TRAF3IP2: variants seen among roughly 807,000 people sequenced by gnomAD.
The protein encoded by TRAF3IP2 is TRAF3 interacting protein 2.
Under a neutral mutation model 57.9 loss-of-function variants are expected in TRAF3IP2, and 35 were observed. The observed-to-expected ratio is 0.60, with a 90% confidence interval of 0.46 to 0.80. The LOEUF (loss-of-function observed/expected upper bound fraction) is 0.80. Ranked by LOEUF, TRAF3IP2 falls within the 30% of genes least tolerant of loss-of-function variation. TRAF3IP2 has a pLI of 0.00. For missense variants in TRAF3IP2, 556 were observed against 706.4 expected, an observed-to-expected ratio of 0.79 and a Z score of 2.41; for synonymous variants, 251 against 268.9, an observed-to-expected ratio of 0.93 and a Z score of 0.65.
chr6:111,577,441 C>T (rs931526673), intron 3 of TRAF3IP2, among the ~76,000 whole-genome samples: 3 of 152,246 alleles, frequency 2.0e-5, no homozygotes, highest in Non-Finnish European at 4.4e-5. Flanking sequence ...CTTGCTCTGT[C>T]ACCCAGGCTC....
At position 111,556,188 on chromosome 6, in the gene TRAF3IP2, A is replaced by C. The variant is rs1164404217; in HGVS notation, c.*3217T>G. Among the ~76,000 whole-genome samples the C allele has an allele frequency of 6.6e-6, 1 of 151,616 alleles. No homozygotes were observed. The highest frequency in any genetic ancestry group is 2.4e-5 in the African/African-American group (1 of 41,236). Reference sequence around the variant, plus strand: ...GGGGCCAAGCTTTTGTCACTTGGCCAAGTGCGTGTGTGTGTGTATGTGTGC... The same window carrying C: ...GGGGCCAAGCTTTTGTCACTTGGCCCAGTGCGTGTGTGTGTGTATGTGTGC... On this transcript the variant is annotated 3_prime_UTR_variant, in exon 9 of 9. Transcript: ENST00000368761.
chr6:111,595,827 CA>C (rs569836365), intron 1 of TRAF3IP2, among the ~76,000 whole-genome samples: 30,661 of 92,696 alleles, frequency 0.33, 2,953 homozygotes, highest in Middle Eastern at 0.47. Context: ...GACTCTGTCT[CA>C]AAAAAAAAAA....
At chr6:111,603,473 G>A (rs1352933349) in intron 1 of TRAF3IP2, among the ~76,000 whole-genome samples, 1 of 152,150 alleles carries the variant, frequency 6.6e-6, no homozygotes, top group Non-Finnish European at 1.5e-5. Context: ...GCAGTTGCCT[G>A]CAATTCATAT....
At chr6:111,566,680 C>G in intron 6 of TRAF3IP2, 120 bp from the exon 7 acceptor site, 1 of 875,740 alleles carries the variant, frequency 1.1e-6, no homozygotes. Flanking sequence ...GCACTGGCCC[C>G]CACTCAGGCA....
rs556594901 is a variant in TRAF3IP2 at position 111,593,469 on chromosome 6, A to T, written c.-8-1375T>A. The stretch of plus-strand genomic sequence containing the variant: ...TTTGAAATGCTCCCCTTTCACACAG[A>T]TGGGGCCAGCAGTTTTCCACCAAAT... On this transcript the variant is annotated intron_variant, in intron 1 of 8. Coordinates refer to ENST00000368761, the MANE Select transcript of TRAF3IP2 (RefSeq NM_147686.4). Among the ~76,000 whole-genome samples the T allele has an allele frequency of 5.3e-5, 8 of 152,302 alleles. No individual in the cohort carries two copies. In the South Asian group the frequency reaches 6.2e-4, roughly 12 times the overall value.
At chr6:111,570,690 G>A (rs1303340351) in intron 5 of TRAF3IP2, among the ~76,000 whole-genome samples, 1 of 152,112 alleles carries the variant, frequency 6.6e-6, no homozygotes, top group Non-Finnish European at 1.5e-5. Flanking sequence ...CTTTGGAAAT[G>A]ACAAAAAGTA....
chr6:111,597,695 C>A, intron 1 of TRAF3IP2: 1 of 364,024 alleles, frequency 2.7e-6, no homozygotes, highest in Non-Finnish European at 5.4e-6. Flanking sequence ...GAGCATGTAC[C>A]CTGGGTAAGC....
rs1562414535 is a variant in TRAF3IP2, at chr6:111,558,030, A to G, written c.*1375T>C. On this transcript the variant is annotated 3_prime_UTR_variant, in exon 9 of 9. Coordinates refer to ENST00000368761, the MANE Select transcript of TRAF3IP2 (RefSeq NM_147686.4). The stretch of plus-strand genomic sequence containing the variant: ...GCGAGACTCTGTCTCAAACAAAAAA[A>G]AAGAAGAAGAAAATGTCTCTGTTAA... The G allele has an allele frequency of 6.6e-6, 1 of 152,258 alleles. No homozygotes were observed. Among genetic ancestry groups the G allele is most frequent in the East Asian group, 1.9e-4 (1 of 5,138 alleles). 9.4% of individuals were successfully genotyped at this position (152,258 alleles called of 1,614,324 possible). A position where few individuals can be genotyped will look rare whatever the true frequency, so the allele number is the denominator to read the frequency against.
At chr6:111,597,308 G>C (rs543183629) in intron 1 of TRAF3IP2, among the ~76,000 whole-genome samples, 4 of 152,210 alleles carry the variant, frequency 2.6e-5, no homozygotes, top group Non-Finnish European at 4.4e-5. Flanking sequence ...CCATCAGCCA[G>C]TGTAATGGGA....
Position 111,556,661 on chromosome 6 carries a change from T to C in TRAF3IP2, c.*2744A>G, listed in dbSNP as rs550405504. 2.3e-4 allele frequency: 35 copies of C among 152,148 alleles called. No homozygotes were observed. The highest frequency in any genetic ancestry group is 7.7e-4 in the African/African-American group (32 of 41,470). 9.4% of individuals were successfully genotyped at this position (152,148 alleles called of 1,614,324 possible). On this transcript the variant is annotated 3_prime_UTR_variant, in exon 9 of 9. Transcript: ENST00000368761. Reference sequence around the variant, plus strand: ...AGAAAGTCTTACAAATGAGTACTTATGTTATGCTAGTTTTTCTTCTCTTTT... The same window carrying C: ...AGAAAGTCTTACAAATGAGTACTTACGTTATGCTAGTTTTTCTTCTCTTTT...
At chr6:111,572,852 C>G (rs751845695) in intron 5 of TRAF3IP2, 43 bp downstream of exon 5, 9 of 1,407,614 alleles carry the variant, frequency 6.4e-6, no homozygotes, top group Non-Finnish European at 9.1e-6. Flanking sequence ...CTCCATTGTA[C>G]TCACTATAAC....
Position 111,591,736 on chromosome 6 carries a change from C to A in TRAF3IP2, c.351G>T (p.Ala117=). The A allele has an allele frequency of 6.2e-7, 1 of 1,614,212 alleles. No homozygotes were observed. The highest frequency in any genetic ancestry group is 8.5e-7 in the Non-Finnish European group (1 of 1,180,040). ...PSGCSAVSEP[A]SESVVGALPA... ...GGAGGGCTCCAACCACAGACTCAGACGCAGGCTCGCTGACTGCAGAGCACC... is the reference window on the plus strand; with the variant it reads ...GGAGGGCTCCAACCACAGACTCAGAAGCAGGCTCGCTGACTGCAGAGCACC... Residue 117 remains alanine, a synonymous_variant, in exon 2 of 9, where the codon GCG becomes GCT. Coordinates refer to ENST00000368761, the MANE Select transcript of TRAF3IP2 (RefSeq NM_147686.4). This position sits in a 1 kb window ranked among gnomAD's most constrained non-coding sequence, Gnocchi z 4.9.
At position 111,591,390 on chromosome 6, in the gene TRAF3IP2, A is replaced by G; in HGVS notation, c.697T>C (p.Ser233Pro). 1.3e-6 allele frequency: 2 copies of G among 1,550,650 alleles called. No individual in the cohort carries two copies. The highest frequency in any genetic ancestry group is 1.7e-6 in the Non-Finnish European group (2 of 1,151,706). ...YPQDLPRPLR[S>P]REFPQFEPQR... is the part of the protein sequence containing the mutation. ...GGTTCAAACTGAGGGAACTCCCTGGACCTGAGAGGTCTGGGGAGGTCCTGG... is the reference window on the plus strand; with the variant it reads ...GGTTCAAACTGAGGGAACTCCCTGGGCCTGAGAGGTCTGGGGAGGTCCTGG... The change falls in exon 2 of 9, where the codon TCC (serine) becomes CCC (proline). Residue 233 changes from serine to proline, a missense_variant. Ser to Pro is a moderately conservative substitution (Grantham distance 74, BLOSUM62 -1). This residue lies in a region of TRAF3IP2 where 428 missense variants were observed against 498.7 expected (regional missense o/e 0.86). Coordinates refer to ENST00000368761, the MANE Select transcript of TRAF3IP2 (RefSeq NM_147686.4). This position sits in a 1 kb window ranked among gnomAD's most constrained non-coding sequence, Gnocchi z 4.9.
At chr6:111,570,676 G>A (rs1452422029) in intron 5 of TRAF3IP2, among the ~76,000 whole-genome samples, 2 of 152,172 alleles carry the variant, frequency 1.3e-5, no homozygotes, top group Non-Finnish European at 2.9e-5. Flanking sequence ...CAATCAGTAT[G>A]TGTCTTTGGA....
rs933776074 is a variant in TRAF3IP2 at position 111,559,013 on chromosome 6, C to CTCAT, written c.*388_*391dup. The CTCAT allele has an allele frequency of 6.1e-6, 1 of 164,674 alleles. No homozygotes were observed. Among genetic ancestry groups the CTCAT allele is most frequent in the African/African-American group, 2.4e-5 (1 of 41,944 alleles). 10.2% of individuals were successfully genotyped at this position (164,674 alleles called of 1,614,324 possible). A position where few individuals can be genotyped will look rare whatever the true frequency, so the allele number is the denominator to read the frequency against. On this transcript the variant is annotated 3_prime_UTR_variant, in exon 9 of 9. Coordinates refer to ENST00000368761, the MANE Select transcript of TRAF3IP2 (RefSeq NM_147686.4). The stretch of plus-strand genomic sequence containing the variant: ...TGAGGATACACAAGCATCTGGCTAA[C>CTCAT]TCATAAAAGTAGCCTGAAGTGATTG...
intron 5 of TRAF3IP2, among the ~76,000 whole-genome samples, chr6:111,568,258 A>G (rs1370179965): frequency 6.6e-6 from 1 of 152,204 alleles, no homozygotes; most frequent in African/African-American, 2.4e-5. Flanking sequence ...AACGGTAGGG[A>G]AGAGGTTTAT....
At chr6:111,573,111 C>CT in intron 4 of TRAF3IP2, 128 bp from the exon 5 acceptor site, 1 of 735,140 alleles carries the variant, frequency 1.4e-6, no homozygotes, top group Non-Finnish European at 2.2e-6. Flanking sequence ...TTGGGGTGCT[C>CT]TAAGAGCTTA....
intron 8 of TRAF3IP2, among the ~76,000 whole-genome samples, chr6:111,559,768 T>A (rs777295227): frequency 3.9e-5 from 6 of 152,228 alleles, no homozygotes; most frequent in Non-Finnish European, 7.3e-5. Flanking sequence ...AAACCACATG[T>A]GCACAGCATT....
intron 5 of TRAF3IP2, 86 bp downstream of exon 5, chr6:111,572,809 C>A: frequency 1.0e-6 from 1 of 975,516 alleles, no homozygotes; most frequent in Non-Finnish European, 1.6e-6. Flanking sequence ...AAAACACCAA[C>A]AGCTATTACA....
Sources: allele counts gnomAD v4.1 joint callset (sites outside exome capture counted in the v4.1 genomes callset), GRCh38; gene constraint gnomAD v4.1.1; regional missense constraint gnomAD v4.1.1; non-coding constraint Gnocchi (gnomAD v3.1); transcripts MANE v1.5; gene names NCBI Gene and HGNC (gene_info 2026-07-23, HGNC 2026-07-21).